ARHGAP22: variants seen among roughly 807,000 people sequenced by gnomAD.
ARHGAP22 encodes rho GTPase-activating protein 22.
In ARHGAP22, 48 loss-of-function variants were observed where a neutral mutation model predicts 59.1. The ratio of observed to expected loss-of-function variants is 0.81; its 90% CI spans 0.64 to 1.03. The LOEUF (loss-of-function observed/expected upper bound fraction) is 1.03, where lower values mean the gene tolerates loss of function less well. Ranked by LOEUF, ARHGAP22 falls within the 50% of genes least tolerant of loss-of-function variation. The probability of loss-of-function intolerance (pLI) is 0.00; values close to 1 mark genes in which losing one functional copy is unlikely to be tolerated. For missense variants in ARHGAP22, 1,015 were observed against 958.7 expected (o/e 1.06, Z -0.78); for synonymous variants, 445 against 416.4 (o/e 1.07, Z -0.84).
upstream of ARHGAP22, among the ~76,000 whole-genome samples, chr10:48,654,325 C>A (rs1040218067): frequency 7.2e-5 from 11 of 152,196 alleles, no homozygotes; most frequent in African/African-American, 2.7e-4. Flanking sequence ...ATGACCAACA[C>A]AAAGAAAGAG....
chr10:48,499,963 T>C (rs929519600), intron 3 of ARHGAP22, among the ~76,000 whole-genome samples: 1 of 152,248 alleles, frequency 6.6e-6, no homozygotes, highest in African/African-American at 2.4e-5. Context: ...AAGTTGATTC[T>C]TAAGGTTCAT....
rs137922552 is a variant in ARHGAP22 at position 48,583,116 on chromosome 10, C to T, written c.71G>A (p.Arg24Gln). 73 of 1,614,240 alleles carry T rather than the reference C, an allele frequency of 4.5e-5. No individual in the cohort carries two copies. The highest frequency in any genetic ancestry group is 2.7e-4 in the East Asian group (12 of 44,894). ...AGGGCACGGCATCCGCCCAGGGCTC[C>T]GGCTCTGCTCCCCCATCACTAGGCT... The part of the protein sequence containing the change: ...SKSLVMGEQS[R>Q]SPGRMPCPHR... The change falls in exon 2 of 10, where the codon CGG (arginine) becomes CAG (glutamine). Residue 24 changes from arginine to glutamine, a missense_variant. Transcript: ENST00000249601.
chr10:48,573,772 C>T (rs2058541522), intron 2 of ARHGAP22, among the ~76,000 whole-genome samples: 1 of 152,184 alleles, frequency 6.6e-6, no homozygotes, highest in African/African-American at 2.4e-5. Flanking sequence ...AAGGACCACA[C>T]CAAAAGTAGG....
At chr10:48,551,680 G>C (rs1241827779) in intron 3 of ARHGAP22, among the ~76,000 whole-genome samples, 1 of 152,228 alleles carries the variant, frequency 6.6e-6, no homozygotes, top group Non-Finnish European at 1.5e-5. Flanking sequence ...GCAGTGGCAG[G>C]CCACAGCCAC....
At chr10:48,450,182 C>T (rs2045762220) in intron 9 of ARHGAP22, 79 bp downstream of exon 9, 15 of 1,529,446 alleles carry the variant, frequency 9.8e-6, no homozygotes, top group Non-Finnish European at 1.3e-5. Context: ...GGTTAGGGGC[C>T]GACGCCCATG....
chr10:48,654,774 CTT>C (rs1197577570), upstream of ARHGAP22, among the ~76,000 whole-genome samples: 1 of 42,700 alleles, frequency 2.3e-5, no homozygotes, highest in African/African-American at 9.8e-5. Flanking sequence ...ATGCTGATTA[CTT>C]TCTTTCTTTC....
chr10:48,492,387 G>A (rs969623307), intron 3 of ARHGAP22, among the ~76,000 whole-genome samples: 1 of 152,298 alleles, frequency 6.6e-6, no homozygotes, highest in South Asian at 2.1e-4. Flanking sequence ...CCTAGCAGCT[G>A]GGTGTCAGGG....
intron 3 of ARHGAP22, among the ~76,000 whole-genome samples, chr10:48,520,595 T>C (rs544343244): frequency 6.6e-6 from 1 of 152,258 alleles, no homozygotes; most frequent in African/African-American, 2.4e-5. Flanking sequence ...TTATGGAGCA[T>C]AGACAGGGAC....
At chr10:48,591,156 G>A (rs2059725970) in intron 1 of ARHGAP22, among the ~76,000 whole-genome samples, 1 of 152,200 alleles carries the variant, frequency 6.6e-6, no homozygotes. Flanking sequence ...CCAGAGAGGA[G>A]GAGCGCCAGG....
At chr10:48,527,143 A>G (rs140804880) in intron 3 of ARHGAP22, among the ~76,000 whole-genome samples, 1 of 152,226 alleles carries the variant, frequency 6.6e-6, no homozygotes, top group African/African-American at 2.4e-5. Context: ...CCCAAGACCA[A>G]TGAGGTAGTA....
At chr10:48,655,613 A>T (rs1189442351), upstream of ARHGAP22, 1 of 152,346 alleles carries the variant, frequency 6.6e-6, no homozygotes, top group Non-Finnish European at 1.5e-5. Flanking sequence ...GGCGGCAGAG[A>T]GCGCGGACTG....
downstream of ARHGAP22, among the ~76,000 whole-genome samples, chr10:48,441,886 C>T (rs530257461): frequency 6.6e-6 from 1 of 152,318 alleles, no homozygotes; most frequent in African/African-American, 2.4e-5. Flanking sequence ...AGCCATGCCT[C>T]TTACTGTTAC....
intron 1 of ARHGAP22, among the ~76,000 whole-genome samples, chr10:48,645,159 T>C (rs2062238363): frequency 6.6e-6 from 1 of 152,120 alleles, no homozygotes. Context: ...TAATCATACA[T>C]ATACATGCAC....
intron 4 of ARHGAP22, among the ~76,000 whole-genome samples, chr10:48,461,941 C>T (rs940053314): frequency 5.3e-5 from 8 of 152,186 alleles, no homozygotes; most frequent in African/African-American, 1.9e-4. Flanking sequence ...TAAGATACAT[C>T]GGTCCCTGAT....
chr10:48,553,914 C>T (rs1354910053), intron 3 of ARHGAP22, among the ~76,000 whole-genome samples: 1 of 152,156 alleles, frequency 6.6e-6, no homozygotes, highest in Non-Finnish European at 1.5e-5. Flanking sequence ...GTCACTACCC[C>T]TGTCCCCAGA....
At chr10:48,631,919 T>C (rs2061642045) in intron 1 of ARHGAP22, among the ~76,000 whole-genome samples, 1 of 152,208 alleles carries the variant, frequency 6.6e-6, no homozygotes, top group Admixed American at 6.5e-5. Context: ...TACTCTTGGT[T>C]TTTGTTTGTC....
intron 3 of ARHGAP22, among the ~76,000 whole-genome samples, chr10:48,528,976 T>G (rs540800802): frequency 6.6e-6 from 1 of 152,310 alleles, no homozygotes; most frequent in South Asian, 2.1e-4. Context: ...AAACCTCTTT[T>G]CCTTATAAAT....
At chr10:48,564,541 C>T (rs182375959) in intron 2 of ARHGAP22, among the ~76,000 whole-genome samples, 6 of 152,282 alleles carry the variant, frequency 3.9e-5, no homozygotes, top group Admixed American at 6.5e-5. Context: ...TTTGCATCAA[C>T]GTAAAATTTA....
chr10:48,432,508 T>C, the ARHGAP22 span, among the ~76,000 whole-genome samples: 2 of 152,218 alleles, frequency 1.3e-5, no homozygotes, highest in Non-Finnish European at 2.9e-5. Flanking sequence ...AATTTACTTA[T>C]AACAAATTTA....
Sources: allele counts gnomAD v4.1 joint callset (sites outside exome capture counted in the v4.1 genomes callset), GRCh38; gene constraint gnomAD v4.1.1; transcripts MANE v1.5; gene names NCBI Gene and HGNC (gene_info 2026-07-23, HGNC 2026-07-21).